FANCA: variants seen among roughly 807,000 people sequenced by gnomAD.
The protein encoded by FANCA is FA complementation group A, also known as Fanconi anemia group A protein.
FANCA carries 236 observed loss-of-function variants against 194.3 expected under a neutral mutation model. The ratio of observed to expected loss-of-function variants is 1.21; its 90% confidence interval spans 1.09 to 1.35. The LOEUF is 1.35. Among genes scored for constraint, FANCA ranks in the 40% most tolerant of loss-of-function variants. The pLI, the probability that FANCA is intolerant of heterozygous loss-of-function variation, is 0.00. For missense variants in FANCA, 2,628 were observed against 1,813.9 expected, an observed-to-expected ratio of 1.45 and a Z score of -8.15; for synonymous variants, 1,014 against 715.8, an observed-to-expected ratio of 1.42 and a Z score of -6.65.
chr16:89,808,223 G>A, intron 6 of FANCA, 71 bp downstream of exon 6: 10 of 1,447,252 alleles, frequency 6.9e-6, no homozygotes, highest in East Asian at 4.5e-5. Context: ...TCTGATTCTG[G>A]GCTTTGAAAT....
At chr16:89,811,173 A>C (rs997107146) in intron 3 of FANCA, 102 bp from the exon 4 acceptor site, 1 of 1,489,982 alleles carries the variant, frequency 6.7e-7, no homozygotes, top group South Asian at 1.2e-5. Flanking sequence ...ATGCAGCACA[A>C]AAAAAATTGC....
In FANCA at chr16:89,770,432, A is replaced by C; in HGVS notation, c.2222+132T>G. 3 of 1,037,240 alleles carry C rather than the reference A, an allele frequency of 2.9e-6. No homozygotes were observed. In the South Asian group the frequency reaches 4.1e-5, roughly 14 times the overall value. 64.3% of individuals were successfully genotyped at this position (1,037,240 alleles called of 1,614,324 possible). On this transcript the variant is annotated intron_variant, in intron 24 of 42. Transcript: ENST00000389301. ...TGCTTCCCAACTTCTGCTGCGTCCTATTTGATGAAACTCAGCATCGCCGCA... is the reference window on the plus strand; with the variant it reads ...TGCTTCCCAACTTCTGCTGCGTCCTCTTTGATGAAACTCAGCATCGCCGCA...
At chr16:89,762,948 A>G (rs1289844530) in intron 28 of FANCA, among the ~76,000 whole-genome samples, 3 of 26,500 alleles carry the variant, frequency 1.1e-4, no homozygotes, top group Non-Finnish European at 1.7e-4. Context: ...TAAAAATACG[A>G]AAAAAAAAAA....
chr16:89,805,888 T>A (rs1388410360), intron 6 of FANCA, among the ~76,000 whole-genome samples: 1 of 152,174 alleles, frequency 6.6e-6, no homozygotes. Flanking sequence ...CCTTCTAAAT[T>A]TATTCCTCTT....
At chr16:89,792,579 G>A in intron 11 of FANCA, 32 bp from the exon 12 acceptor site, 1 of 1,600,054 alleles carries the variant, frequency 6.2e-7, no homozygotes, top group Non-Finnish European at 8.5e-7. Flanking sequence ...AAAACTTCAA[G>A]TCAGAGATCA....
chr16:89,779,136 T>C, intron 18 of FANCA, 133 bp from the exon 19 acceptor site: 2 of 840,992 alleles, frequency 2.4e-6, no homozygotes, highest in Non-Finnish European at 3.9e-6. Flanking sequence ...GAAGTCTTCT[T>C]GTGCACAGTT....
rs781159126 is a variant in FANCA, at chr16:89,791,391, C to G, written c.1359+12G>C. 6.2e-7 allele frequency: 1 copy of G among 1,613,260 alleles called. No individual in the cohort carries two copies. The highest frequency in any genetic ancestry group is 1.7e-5 in the Admixed American group (1 of 59,910). The stretch of plus-strand genomic sequence containing the variant: ...GATCAGGTATTAGGTAGCCGATTGG[C>G]AGGTCACTTACCTTGAACCAGTCTG... On this transcript the variant is annotated intron_variant, in intron 14 of 42. Coordinates refer to ENST00000389301, the MANE Select transcript of FANCA (RefSeq NM_000135.4).
At chr16:89,791,680 A>G (rs1471275874) in intron 13 of FANCA, 144 bp from the exon 14 acceptor site, 1 of 1,218,996 alleles carries the variant, frequency 8.2e-7, no homozygotes, top group Non-Finnish European at 1.2e-6. Flanking sequence ...CAGCAATTAC[A>G]GCATGTCAAG....
At chr16:89,773,473 G>C in intron 21 of FANCA, 89 bp from the exon 22 acceptor site, 1 of 962,364 alleles carries the variant, frequency 1.0e-6, no homozygotes, top group Non-Finnish European at 1.6e-6. Flanking sequence ...CAAATACAGA[G>C]CTGTGAACTT....
chr16:89,795,210 G>A (rs1007182716), intron 11 of FANCA, among the ~76,000 whole-genome samples: 3 of 151,656 alleles, frequency 2.0e-5, no homozygotes, highest in Admixed American at 6.6e-5. Flanking sequence ...GTTTGAACCC[G>A]GGAGGTGGAG....
chr16:89,775,144 T>C (rs8046872), intron 21 of FANCA, among the ~76,000 whole-genome samples: 100,972 of 151,718 alleles, frequency 0.67, 34,444 homozygotes, highest in East Asian at 0.99. Flanking sequence ...CTTCAGCTCA[T>C]AGCGGCTCCC....
At chr16:89,748,948 T>C (rs770491136) in intron 32 of FANCA, among the ~76,000 whole-genome samples, 181 bp from the exon 33 acceptor site, 1 of 152,180 alleles carries the variant, frequency 6.6e-6, no homozygotes, top group Middle Eastern at 3.2e-3. Flanking sequence ...ACCTCCCCTA[T>C]ACTGTGTTTG....
intron 17 of FANCA, among the ~76,000 whole-genome samples, chr16:89,781,364 A>AAAAAC (rs386385390): frequency 0.094 from 4,958 of 52,606 alleles, 81 homozygotes; most frequent in Non-Finnish European, 0.12. Context: ...ACTCCATTCC[A>AAAAAC]AAAAAAAAAA....
intron 3 of FANCA, among the ~76,000 whole-genome samples, chr16:89,812,132 G>C (rs2040908538): frequency 1.4e-5 from 2 of 146,568 alleles, no homozygotes; most frequent in African/African-American, 2.5e-5. Flanking sequence ...TCAGGAGATC[G>C]AGACCATCCT....
chr16:89,792,821 G>A (rs943562128), intron 11 of FANCA: 22 of 403,354 alleles, frequency 5.5e-5, no homozygotes, highest in Non-Finnish European at 9.5e-5. Flanking sequence ...TAAAGAGTGT[G>A]AGTCATCTCC....
intron 17 of FANCA, among the ~76,000 whole-genome samples, chr16:89,781,456 G>C (rs1267707814): frequency 6.7e-6 from 1 of 149,638 alleles, no homozygotes. Context: ...GGCAGATCAC[G>C]AGGTCAGGAG....
intron 3 of FANCA, among the ~76,000 whole-genome samples, chr16:89,813,202 C>G (rs950879386): frequency 4.6e-5 from 7 of 150,612 alleles, no homozygotes; most frequent in African/African-American, 1.7e-4. Context: ...ATTGCTTGAG[C>G]TCAGGAGTTT....
intron 41 of FANCA, 75 bp downstream of exon 41, chr16:89,739,058 C>A: frequency 6.2e-7 from 1 of 1,613,942 alleles, no homozygotes; most frequent in South Asian, 1.1e-5. Flanking sequence ...CATGCTGTGC[C>A]GGAACATTCT....
chr16:89,814,645 A>G, intron 2 of FANCA, 32 bp from the exon 3 acceptor site: 1 of 1,556,428 alleles, frequency 6.4e-7, no homozygotes, highest in South Asian at 1.1e-5. Context: ...ACTCCATTTA[A>G]AAAATTCAAG....
Sources: gnomAD v4.1 joint callset for allele counts (sites outside exome capture counted in the v4.1 genomes callset) on GRCh38, gnomAD v4.1.1 for gene constraint, MANE v1.5 for transcripts, NCBI Gene and HGNC (gene_info 2026-07-23, HGNC 2026-07-21) for gene names.